Variants in HMOX2 observed in about 807,000 individuals in gnomAD.
The protein encoded by HMOX2 is heme oxygenase (decycling) 2.
In HMOX2, 30 loss-of-function variants were observed where a neutral mutation model predicts 33.7. The ratio of observed to expected loss-of-function variants is 0.89; its 90% CI spans 0.67 to 1.21. HMOX2 has a LOEUF of 1.21. Among genes scored for constraint, HMOX2 ranks in the 50% most tolerant of loss-of-function variants. The pLI, the probability that HMOX2 is intolerant of heterozygous loss-of-function variation, is 0.00. For missense variants in HMOX2, 403 were observed against 399.1 expected, an observed-to-expected ratio of 1.01 and a Z score of -0.08; for synonymous variants, 155 against 155.0, an observed-to-expected ratio of 1.00 and a Z score of 0.00.
At chr16:4,493,607 T>A (rs1006974377) in intron 1 of HMOX2, among the ~76,000 whole-genome samples, 1 of 152,214 alleles carries the variant, frequency 6.6e-6, no homozygotes, top group Admixed American at 6.5e-5. Flanking sequence ...TAACCACATC[T>A]ATGTGCTGCC....
intron 1 of HMOX2, among the ~76,000 whole-genome samples, chr16:4,486,623 C>T (rs533717336): frequency 1.1e-4 from 16 of 152,316 alleles, no homozygotes; most frequent in African/African-American, 3.8e-4. Context: ...TCTGGCCTAG[C>T]TGCCAGAAAA....
chr16:4,508,998 A>G lies in HMOX2; in HGVS notation c.697-414A>G, dbSNP rs971541657. On this transcript the variant is annotated intron_variant, in intron 4 of 5. Coordinates refer to ENST00000570646, the MANE Select transcript of HMOX2 (RefSeq NM_002134.4). Reference sequence around the variant, plus strand: ...CGCCCACCAGTGCTGCTTGCTGTGTAGTTGGCACACCTGAGCAAGCTCACC... The same window carrying G: ...CGCCCACCAGTGCTGCTTGCTGTGTGGTTGGCACACCTGAGCAAGCTCACC... Among the ~76,000 whole-genome samples, 6 of 152,198 alleles carry G rather than the reference A, an allele frequency of 3.9e-5. No individual in the cohort carries two copies. In the South Asian group the frequency reaches 1.2e-3, roughly 31 times the overall value.
chr16:4,475,134 G>C (rs1187849050), upstream of HMOX2, among the ~76,000 whole-genome samples: 3 of 150,638 alleles, frequency 2.0e-5, no homozygotes, highest in Non-Finnish European at 4.4e-5. Context: ...GTATTTTTTA[G>C]TAGAGACGGG....
upstream of HMOX2, chr16:4,474,766 C>T (rs1050204796): frequency 1.3e-5 from 2 of 152,386 alleles, no homozygotes; most frequent in African/African-American, 4.8e-5. Context: ...GGTGGAGAGC[C>T]TCTTAACCGG....
intron 1 of HMOX2, among the ~76,000 whole-genome samples, chr16:4,478,018 G>A (rs28567382): frequency 0.034 from 5,206 of 152,280 alleles, 310 homozygotes; most frequent in African/African-American, 0.12. Flanking sequence ...ATTAGAAAAA[G>A]TTATCAGATA....
intron 1 of HMOX2, among the ~76,000 whole-genome samples, chr16:4,491,551 C>T (rs1337046435): frequency 2.0e-5 from 3 of 151,886 alleles, no homozygotes. Flanking sequence ...ACTTGGGGGG[C>T]TGAGGTGGGA....
At position 4,484,060 on chromosome 16, in the gene HMOX2, C is replaced by T. The variant is rs183339152; in HGVS notation, c.-42+7573C>T. Among the ~76,000 whole-genome samples the T allele has an allele frequency of 2.6e-3, 390 of 150,482 alleles. 1 individual carries two copies. The highest frequency in any genetic ancestry group is 9.2e-3 in the African/African-American group (373 of 40,628). On this transcript the variant is annotated intron_variant, in intron 1 of 5. Transcript: ENST00000570646. ...TGCGATCTCGGCTCACTGCAGGCTC[C>T]GCCTCCCAGGTTCACGCCATTCTCC...
intron 1 of HMOX2, chr16:4,488,546 G>C (rs561048615): frequency 6.6e-6 from 1 of 152,066 alleles, no homozygotes; most frequent in Non-Finnish European, 1.5e-5. Flanking sequence ...GATAACCTAA[G>C]GCCTTGGTGT....
intron 1 of HMOX2, 164 bp downstream of exon 1, chr16:4,476,651 G>C (rs1010562889): frequency 6.6e-6 from 1 of 152,426 alleles, no homozygotes; most frequent in Non-Finnish European, 1.5e-5. Context: ...CCGGCCGGGG[G>C]CGGCCGGAAG....
chr16:4,480,259 G>A (rs929008635), intron 1 of HMOX2, among the ~76,000 whole-genome samples: 5 of 151,496 alleles, frequency 3.3e-5, no homozygotes, highest in South Asian at 2.1e-4. Context: ...TGTTGGCCAC[G>A]CTGGTCTCCA....
chr16:4,489,257 T>TC (rs1567386571), intron 1 of HMOX2, among the ~76,000 whole-genome samples: 1 of 152,072 alleles, frequency 6.6e-6, no homozygotes, highest in African/African-American at 2.4e-5. Flanking sequence ...AAATGCTTAT[T>TC]CCCCCCACAA....
chr16:4,491,181 G>C (rs1460319170), intron 1 of HMOX2, among the ~76,000 whole-genome samples: 2 of 152,174 alleles, frequency 1.3e-5, no homozygotes, highest in Non-Finnish European at 2.9e-5. Context: ...TAAATTTTCA[G>C]TTACCTAATT....
At position 4,508,042 on chromosome 16, in the gene HMOX2, C is replaced by T. The variant is rs1485738133; in HGVS notation, c.534C>T (p.Pro178=). 1 of 1,614,012 alleles carries T rather than the reference C, an allele frequency of 6.2e-7. No homozygotes were observed. Among genetic ancestry groups the T allele is most frequent in the East Asian group, 2.2e-5 (1 of 44,886 alleles). ...KKVAQRALKL[P]STGEGTQFYL... ...TGGCCCAGCGAGCACTGAAACTCCC[C>T]AGCACAGGGGAAGGGACCCAGTTCT... Residue 178 remains proline (P), a synonymous_variant, in exon 4 of 6, where the codon CCC becomes CCT. Transcript: ENST00000570646.
chr16:4,505,734 G>T (rs2058674967), intron 2 of HMOX2, 124 bp downstream of exon 2: 3 of 662,910 alleles, frequency 4.5e-6, no homozygotes, highest in Non-Finnish European at 7.8e-6. Flanking sequence ...TGGACCCCTG[G>T]GTGCCTGCTT....
At chr16:4,502,099 A>G (rs2058573556) in intron 1 of HMOX2, among the ~76,000 whole-genome samples, 1 of 152,216 alleles carries the variant, frequency 6.6e-6, no homozygotes, top group Non-Finnish European at 1.5e-5. Context: ...TCATTTTTGT[A>G]TTTCTAGTAG....
At chr16:4,506,464 T>C (rs912578043) in intron 2 of HMOX2, among the ~76,000 whole-genome samples, 16 of 152,138 alleles carry the variant, frequency 1.1e-4, no homozygotes, top group Non-Finnish European at 2.1e-4. Context: ...AGGAGACCCA[T>C]GGTCACAGCC....
At chr16:4,491,132 T>C (rs1353703189) in intron 1 of HMOX2, among the ~76,000 whole-genome samples, 1 of 152,208 alleles carries the variant, frequency 6.6e-6, no homozygotes, top group Non-Finnish European at 1.5e-5. Flanking sequence ...TTGGTTGTCA[T>C]GTGATAAAAA....
chr16:4,478,123 G>A (rs1255773538), intron 1 of HMOX2, among the ~76,000 whole-genome samples: 1 of 152,176 alleles, frequency 6.6e-6, no homozygotes, highest in Non-Finnish European at 1.5e-5. Flanking sequence ...GGGATGTGAA[G>A]AGGGAAATCC....
intron 1 of HMOX2, chr16:4,495,868 A>G (rs2058404438): frequency 6.6e-6 from 1 of 152,188 alleles, no homozygotes; most frequent in Non-Finnish European, 1.5e-5. Context: ...ATTGTCCACT[A>G]AGGTCTGGCA....
Sources: gnomAD v4.1 joint callset for allele counts (sites outside exome capture counted in the v4.1 genomes callset) on GRCh38, gnomAD v4.1.1 for gene constraint, MANE v1.5 for transcripts, NCBI Gene and HGNC (gene_info 2026-07-23, HGNC 2026-07-21) for gene names.